The following KRABD3 variants were observed in gnomAD, a reference collection of about 807,000 sequenced individuals.
The protein encoded by KRABD3 is KRAB domain-containing protein 3.
the KRABD3 span, chr7:149,725,794 G>A: frequency 2.4e-6 from 3 of 1,234,416 alleles, no homozygotes; most frequent in South Asian, 4.8e-5. Context: ...AGATACTTTG[G>A]GGCAGGGTCT....
chr7:149,721,495 C>A, the KRABD3 span: 3 of 1,612,712 alleles, frequency 1.9e-6, no homozygotes, highest in African/African-American at 4.0e-5. Flanking sequence ...GTTCCAGTGG[C>A]CCAACTGGTG....
chr7:149,730,070 C>T, the KRABD3 span: 109 of 1,425,418 alleles, frequency 7.6e-5, no homozygotes, highest in Non-Finnish European at 9.7e-5. Context: ...GGGACCGGTT[C>T]TGTGTGCCCA....
At chr7:149,722,480 G>GCCCCA in the KRABD3 span, 1 of 1,528,734 alleles carries the variant, frequency 6.5e-7, no homozygotes, top group Non-Finnish European at 9.0e-7. Context: ...TGGGCGGGGA[G>GCCCCA]CCCAGCCCTC....
At chr7:149,733,967 C>T in the KRABD3 span, 103 of 1,607,266 alleles carry the variant, frequency 6.4e-5, no homozygotes, top group African/African-American at 1.3e-3. Context: ...GCCGAGCAGC[C>T]TGCTGGGAGG....
At chr7:149,720,630 C>A in the KRABD3 span, among the ~76,000 whole-genome samples, 1 of 152,256 alleles carries the variant, frequency 6.6e-6, no homozygotes, top group Admixed American at 6.5e-5. Flanking sequence ...TACCCAGGCC[C>A]CGCCCCCATG....
chr7:149,730,929 C>G, the KRABD3 span, among the ~76,000 whole-genome samples: 1 of 152,188 alleles, frequency 6.6e-6, no homozygotes, highest in Non-Finnish European at 1.5e-5. Flanking sequence ...TGAGATTTCC[C>G]CAGCTGGGGG....
chr7:149,721,544 G>C, the KRABD3 span: 1 of 1,610,296 alleles, frequency 6.2e-7, no homozygotes, highest in Non-Finnish European at 8.5e-7. Context: ...CAGTGAGTCT[G>C]ACACAGCAGG....
the KRABD3 span, chr7:149,730,030 C>G: frequency 5.8e-6 from 8 of 1,385,982 alleles, no homozygotes; most frequent in Non-Finnish European, 6.5e-6. Context: ...TCCACTAGAA[C>G]GCATGCTGAT....
the KRABD3 span, chr7:149,728,445 G>A: frequency 6.6e-7 from 1 of 1,521,200 alleles, no homozygotes; most frequent in Non-Finnish European, 8.9e-7. Flanking sequence ...CCTGGACACA[G>A]CAGAAGACAG....
chr7:149,717,465 A>G, the KRABD3 span, among the ~76,000 whole-genome samples: 1 of 152,234 alleles, frequency 6.6e-6, no homozygotes, highest in Admixed American at 6.5e-5. Context: ...CTCTGTTCCA[A>G]GATGCTAGGA....
chr7:149,733,745 T>A, the KRABD3 span: 1 of 1,586,176 alleles, frequency 6.3e-7, no homozygotes. Context: ...CTGCAGCTCT[T>A]CCCAGCAGCT....
the KRABD3 span, among the ~76,000 whole-genome samples, chr7:149,716,945 G>A: frequency 6.6e-6 from 1 of 152,142 alleles, no homozygotes; most frequent in Admixed American, 6.5e-5. Flanking sequence ...GTTCACTGAG[G>A]CCCAAATAGG....
the KRABD3 span, chr7:149,720,176 C>T: frequency 6.5e-7 from 1 of 1,545,968 alleles, no homozygotes; most frequent in Non-Finnish European, 8.7e-7. Context: ...CATCGGTCCT[C>T]AGCCCCAGGC....
At chr7:149,724,078 C>T in the KRABD3 span, among the ~76,000 whole-genome samples, 1 of 152,154 alleles carries the variant, frequency 6.6e-6, no homozygotes, top group Non-Finnish European at 1.5e-5. Context: ...TCGGTCAGCG[C>T]TTGATAATTC....
At chr7:149,733,928 C>G in the KRABD3 span, 2 of 1,595,600 alleles carry the variant, frequency 1.3e-6, no homozygotes, top group Non-Finnish European at 1.7e-6. Context: ...AGGAGTGGCA[C>G]CAGACGGGAT....
At chr7:149,727,370 G>T in the KRABD3 span, among the ~76,000 whole-genome samples, 4 of 152,222 alleles carry the variant, frequency 2.6e-5, no homozygotes, top group African/African-American at 4.8e-5. Context: ...GCTTGGGTGT[G>T]GGGCTTTTCC....
chr7:149,720,847 G>T, the KRABD3 span: 1 of 1,592,424 alleles, frequency 6.3e-7, no homozygotes, highest in Admixed American at 1.8e-5. Context: ...GGACAGCCCC[G>T]GCACAGCCTG....
the KRABD3 span, chr7:149,722,506 G>A: frequency 1.0e-6 from 1 of 965,498 alleles, no homozygotes; most frequent in South Asian, 1.3e-5. Context: ...CATAGCCCCA[G>A]CAGGAGGAAG....
chr7:149,719,611 G>T, the KRABD3 span: 1 of 1,607,688 alleles, frequency 6.2e-7, no homozygotes, highest in Non-Finnish European at 8.5e-7. This position sits in a 1 kb window ranked among gnomAD's most constrained non-coding sequence, Gnocchi z 5.6. Context: ...TCCTGGAGGA[G>T]GGGCAGAGGG....
Sources: allele counts gnomAD v4.1 joint callset (sites outside exome capture counted in the v4.1 genomes callset), GRCh38; gene constraint gnomAD v4.1.1; non-coding constraint Gnocchi (gnomAD v3.1); transcripts MANE v1.5; gene names NCBI Gene and HGNC (gene_info 2026-07-23, HGNC 2026-07-21).